Variants in MYZAP observed in about 807,000 individuals in gnomAD.
MYZAP encodes myocardial zonula adherens protein.
MYZAP carries 66 observed loss-of-function variants against 69.4 expected under a neutral mutation model. The ratio of observed to expected loss-of-function variants is 0.95; its 90% CI spans 0.78 to 1.17. The LOEUF is 1.17. MYZAP is among the 50% of genes most tolerant of loss of function. The pLI is 0.00. For missense variants in MYZAP, 611 were observed against 556.2 expected, an observed-to-expected ratio of 1.10 and a Z score of -0.99; for synonymous variants, 256 against 205.9, an observed-to-expected ratio of 1.24 and a Z score of -2.09.
At chr15:57,615,003 C>T (rs1377643801) in intron 2 of MYZAP, among the ~76,000 whole-genome samples, 1 of 152,134 alleles carries the variant, frequency 6.6e-6, no homozygotes, top group Admixed American at 6.5e-5. Flanking sequence ...ACCATCAGCT[C>T]CTTGGGCTGC....
In MYZAP at chr15:57,629,692, A is replaced by AAT; in HGVS notation, c.526-10_526-9insAT. ...CGGATCTGGTTTTGTTTTTATTTTC[A>AAT]TCCTCACAGAAAACCCTCGTGGATG... On this transcript the variant is annotated splice_polypyrimidine_tract_variant and intron_variant, in intron 5 of 12. Coordinates refer to ENST00000267853, the MANE Select transcript of MYZAP (RefSeq NM_001018100.5). The AAT allele has an allele frequency of 6.2e-7, 1 of 1,604,326 alleles. No homozygotes were observed.
intron 2 of MYZAP, 22 bp from the exon 3 acceptor site, chr15:57,618,011 T>C (rs200977499): frequency 3.5e-5 from 57 of 1,606,902 alleles, no homozygotes; most frequent in Non-Finnish European, 4.3e-5. Flanking sequence ...TATTCTTTTT[T>C]TCTTTTCCTA....
intron 11 of MYZAP, among the ~76,000 whole-genome samples, chr15:57,671,176 G>C (rs1380985349): frequency 6.6e-6 from 1 of 151,872 alleles, no homozygotes; most frequent in African/African-American, 2.4e-5. Flanking sequence ...TTTTTATTTC[G>C]CCTTCATTAT....
chr15:57,654,825 A>G (rs1308596746), intron 10 of MYZAP, among the ~76,000 whole-genome samples: 1 of 151,946 alleles, frequency 6.6e-6, no homozygotes, highest in Non-Finnish European at 1.5e-5. Flanking sequence ...TTTTTGTACA[A>G]TTTCACTTTG....
chr15:57,637,084 C>A (rs549903414), intron 8 of MYZAP, among the ~76,000 whole-genome samples: 2 of 152,324 alleles, frequency 1.3e-5, no homozygotes, highest in Admixed American at 1.3e-4. Context: ...TGATTCTAAC[C>A]CTGCTGCCTC....
At chr15:57,661,047 C>G (rs763592740) in intron 10 of MYZAP, among the ~76,000 whole-genome samples, 1 of 152,058 alleles carries the variant, frequency 6.6e-6, no homozygotes, top group Non-Finnish European at 1.5e-5. Flanking sequence ...AAATTCAAGC[C>G]GAATAATCAT....
chr15:57,609,027 C>G (rs1278708972), intron 2 of MYZAP, among the ~76,000 whole-genome samples: 1 of 152,178 alleles, frequency 6.6e-6, no homozygotes, highest in East Asian at 1.9e-4. Flanking sequence ...CCAGGCTGCC[C>G]CTTTCACTTG....
At position 57,661,474 on chromosome 15, in the gene MYZAP, C is replaced by G. The variant is rs779084995; in HGVS notation, c.1144C>G (p.Gln382Glu). The G allele has an allele frequency of 3.7e-6, 6 of 1,608,318 alleles. No homozygotes were observed. In the South Asian group the frequency reaches 6.7e-5, roughly 18 times the overall value. ...EEIESLKKKL[Q>E]QKQLLILQLL... ...GATTGAATCATTAAAGAAAAAGTTG[C>G]AACAGAAACAGCTCTTAATACTGCA... The change falls in exon 11 of 13, where the codon CAA becomes GAA. Residue 382 changes from glutamine (Q) to glutamate (E), a missense_variant. By Grantham distance (29) the Gln-to-Glu change is conservative (BLOSUM62 2). Transcript: ENST00000267853.
intron 12 of MYZAP, among the ~76,000 whole-genome samples, chr15:57,681,522 G>A (rs1297211600): frequency 1.3e-5 from 2 of 152,210 alleles, no homozygotes; most frequent in Non-Finnish European, 2.9e-5. Flanking sequence ...GGTGGCTCAC[G>A]CCTGTAATCC....
rs762317142 is a variant in MYZAP, at chr15:57,618,095, G to C, written c.225G>C (p.Val75=). The C allele has an allele frequency of 3.1e-6, 5 of 1,614,092 alleles. No homozygotes were observed. The East Asian group carries it at 6.7e-5, about 22-fold the overall frequency. Residue 75 remains valine, a synonymous_variant, in exon 3 of 13, where the codon GTG becomes GTC. Coordinates refer to ENST00000267853, the MANE Select transcript of MYZAP (RefSeq NM_001018100.5). ...TTCCTCAGGGTGTTGTTTATGGTGTGGTGCGAAGATCAGATCAAAATCAGC... is the reference window on the plus strand; with the variant it reads ...TTCCTCAGGGTGTTGTTTATGGTGTCGTGCGAAGATCAGATCAAAATCAGC... ...RKLPQGVVYG[V]VRRSDQNQQK...
chr15:57,651,138 T>A (rs749875074), intron 10 of MYZAP, among the ~76,000 whole-genome samples: 1 of 152,202 alleles, frequency 6.6e-6, no homozygotes, highest in Non-Finnish European at 1.5e-5. Context: ...CCCTGGCTAG[T>A]GCTAGAGAGT....
intron 11 of MYZAP, among the ~76,000 whole-genome samples, chr15:57,669,106 C>G (rs2038748608): frequency 6.6e-6 from 1 of 151,992 alleles, no homozygotes; most frequent in Non-Finnish European, 1.5e-5. Flanking sequence ...CCGGGCTGGT[C>G]TCGAACTCCT....
chr15:57,629,913 T>G (rs1834994775), intron 6 of MYZAP, 59 bp downstream of exon 6: 1 of 1,557,074 alleles, frequency 6.4e-7, no homozygotes, highest in Non-Finnish European at 8.7e-7. Flanking sequence ...TACTTCTCCC[T>G]TTTCTCTTCC....
intron 11 of MYZAP, among the ~76,000 whole-genome samples, chr15:57,673,536 G>A (rs537394577): frequency 6.8e-6 from 1 of 147,346 alleles, no homozygotes; most frequent in South Asian, 2.2e-4. Flanking sequence ...ATGACTCTCC[G>A]GGAATAAGCC....
At chr15:57,611,152 T>C (rs1260144207) in intron 2 of MYZAP, among the ~76,000 whole-genome samples, 4 of 152,190 alleles carry the variant, frequency 2.6e-5, no homozygotes, top group African/African-American at 9.6e-5. Context: ...GTGTATTCTT[T>C]AGACTGCCCA....
intron 9 of MYZAP, among the ~76,000 whole-genome samples, chr15:57,638,802 T>C (rs2140462352): frequency 6.6e-6 from 1 of 152,368 alleles, no homozygotes; most frequent in Non-Finnish European, 1.5e-5. Context: ...CCAGACCTTT[T>C]GGTATTCTGC....
chr15:57,616,912 C>G (rs1160073818), intron 2 of MYZAP, among the ~76,000 whole-genome samples: 1 of 139,234 alleles, frequency 7.2e-6, no homozygotes, highest in African/African-American at 2.8e-5. Context: ...GCAGAATTAC[C>G]TTTATGGAAT....
chr15:57,654,123 A>G (rs1444332451), intron 10 of MYZAP, among the ~76,000 whole-genome samples: 1 of 147,724 alleles, frequency 6.8e-6, no homozygotes, highest in Non-Finnish European at 1.5e-5. Context: ...TCATTCTGAC[A>G]TGGGTTTCAG....
At chr15:57,658,624 T>G (rs1230428371) in intron 10 of MYZAP, among the ~76,000 whole-genome samples, 1 of 152,224 alleles carries the variant, frequency 6.6e-6, no homozygotes, top group Non-Finnish European at 1.5e-5. Context: ...GAAGCTTGAT[T>G]AGATCAAGTT....
Sources: gnomAD v4.1 joint callset for allele counts (sites outside exome capture counted in the v4.1 genomes callset) on GRCh38, gnomAD v4.1.1 for gene constraint, MANE v1.5 for transcripts, NCBI Gene and HGNC (gene_info 2026-07-23, HGNC 2026-07-21) for gene names.